Variants in PPP1R2B observed in about 807,000 individuals in gnomAD.
PPP1R2B encodes the protein PPP1R2 family member B.
A neutral mutation model predicts 17.6 loss-of-function variants in PPP1R2B; 13 were observed. That is an observed-to-expected ratio of 0.74 (90% CI 0.48 to 1.17). The LOEUF (loss-of-function observed/expected upper bound fraction) is 1.17, where lower values mean the gene tolerates loss of function less well. Among genes scored for constraint, PPP1R2B ranks in the 50% most tolerant of loss-of-function variants. The pLI, the probability that PPP1R2B is intolerant of heterozygous loss-of-function variation, is 0.00. For synonymous variants in PPP1R2B, 105 were observed against 95.4 expected, an observed-to-expected ratio of 1.10 and a Z score of -0.59; for missense variants, 230 against 252.4, an observed-to-expected ratio of 0.91 and a Z score of 0.60.
rs1758489588 is a variant in PPP1R2B, at chr5:156,852,150, T to A, written c.*970T>A. On this transcript the variant is annotated 3_prime_UTR_variant, in exon 1 of 1. Coordinates refer to ENST00000522232, the MANE Select transcript of PPP1R2B (RefSeq NM_206858.3). The stretch of plus-strand genomic sequence containing the variant: ...AATGCCTATGAATTCTTCTAATACA[T>A]GAAGAAAATAGATTGAGTAGCAGCA... 6.6e-6 allele frequency: 1 copy of A among 152,166 alleles called. No homozygotes were observed. The highest frequency in any genetic ancestry group is 2.4e-5 in the African/African-American group (1 of 41,466). 9.4% of individuals were successfully genotyped at this position (152,166 alleles called of 1,614,324 possible).
Position 156,850,721 on chromosome 5 carries a change from G to A in PPP1R2B, c.159G>A (p.Leu53=), listed in dbSNP as rs1417004260. The A allele has an allele frequency of 7.8e-6, 12 of 1,544,390 alleles. No homozygotes were observed. The Admixed American group carries it at 1.5e-4, about 19-fold the overall frequency. ...AGAAGTGGGATGAAATTAACATCTT[G>A]GCGACCTATCATCCAGCAGACAAAG... ...KSQKWDEINI[L]ATYHPADKGY... The change falls in exon 1 of 1, where the codon TTG becomes TTA. Residue 53 remains leucine (L), a synonymous_variant. Transcript: ENST00000522232.
Position 156,851,256 on chromosome 5 carries a change from A to G in PPP1R2B, c.*76A>G. ...TATAATACATTGCTTCTTGTTCTCC[A>G]CAATTCATGACTTAAGTACCAAAAT... On this transcript the variant is annotated 3_prime_UTR_variant, in exon 1 of 1. Coordinates refer to ENST00000522232, the MANE Select transcript of PPP1R2B (RefSeq NM_206858.3). The G allele has an allele frequency of 8.4e-7, 1 of 1,190,104 alleles. No individual in the cohort carries two copies. The highest frequency in any genetic ancestry group is 1.2e-5 in the South Asian group (1 of 81,156). 73.7% of individuals were successfully genotyped at this position (1,190,104 alleles called of 1,614,324 possible).
At position 156,850,783 on chromosome 5, in the gene PPP1R2B, C is replaced by T; in HGVS notation, c.221C>T (p.Pro74Leu). ...GLMKIDEPSP[P>L]YHSMMGDDED... is the part of the protein sequence containing the mutation. The stretch of plus-strand genomic sequence containing the variant: ...ATGAAAATAGATGAACCAAGCCCTC[C>T]TTACCATAGTATGATGGGTGATGAT... Residue 74 changes from proline to leucine, a missense_variant, in exon 1 of 1, where the codon CCT (proline) becomes CTT (leucine). Pro to Leu is a moderately conservative substitution (Grantham distance 98, BLOSUM62 -3). Transcript: ENST00000522232. 3 of 1,514,906 alleles carry T rather than the reference C, an allele frequency of 2.0e-6. No homozygotes were observed. The highest frequency in any genetic ancestry group is 2.8e-6 in the Non-Finnish European group (3 of 1,089,910). 93.8% of individuals were successfully genotyped at this position (1,514,906 alleles called of 1,614,324 possible).
chr5:156,850,397 G>A lies in PPP1R2B; in HGVS notation c.-166G>A. ...ATTCGGCGTTGGCTCTGGCGTCGGG[G>A]TCGTTGTGACAACCGCTCCAGTAGC... On this transcript the variant is annotated 5_prime_UTR_variant, in exon 1 of 1. Coordinates refer to ENST00000522232, the MANE Select transcript of PPP1R2B (RefSeq NM_206858.3). 1 of 808,960 alleles carries A rather than the reference G, an allele frequency of 1.2e-6. No individual in the cohort carries two copies. The highest frequency in any genetic ancestry group is 1.9e-6 in the Non-Finnish European group (1 of 521,996). 50.1% of individuals were successfully genotyped at this position (808,960 alleles called of 1,614,324 possible). A position where few individuals can be genotyped will look rare whatever the true frequency, so the allele number is the denominator to read the frequency against.
chr5:156,852,410 TTAAA>T lies in PPP1R2B; in HGVS notation c.*1233_*1236del, dbSNP rs1348578970. 3 of 152,088 alleles carry T rather than the reference TTAAA, an allele frequency of 2.0e-5. No individual in the cohort carries two copies. Among genetic ancestry groups the T allele is most frequent in the African/African-American group, 7.2e-5 (3 of 41,434 alleles). 9.4% of individuals were successfully genotyped at this position (152,088 alleles called of 1,614,324 possible). On this transcript the variant is annotated 3_prime_UTR_variant, in exon 1 of 1. Coordinates refer to ENST00000522232, the MANE Select transcript of PPP1R2B (RefSeq NM_206858.3). ...CTGGACATTTTTTAATTTAAAAACTTTAAATAGTCCCTGCTTTAAGGGAATATGA... is the reference window on the plus strand; with the variant it reads ...CTGGACATTTTTTAATTTAAAAACTTTAGTCCCTGCTTTAAGGGAATATGA...
chr5:156,851,804 A>T lies in PPP1R2B; in HGVS notation c.*624A>T, dbSNP rs1561530056. 1 of 152,746 alleles carries T rather than the reference A, an allele frequency of 6.5e-6. No individual in the cohort carries two copies. Among genetic ancestry groups the T allele is most frequent in the Non-Finnish European group, 1.5e-5 (1 of 68,122 alleles). 9.5% of individuals were successfully genotyped at this position (152,746 alleles called of 1,614,324 possible). The stretch of plus-strand genomic sequence containing the variant: ...TCAAAACTAGCTTTTTTCCCCACAA[A>T]TAAATTATCAGGTTAAACTTTCACC... On this transcript the variant is annotated 3_prime_UTR_variant, in exon 1 of 1. Transcript: ENST00000522232.
In PPP1R2B at chr5:156,851,633, C is replaced by T. The variant is rs781083043; in HGVS notation, c.*453C>T. 6.8e-5 allele frequency: 11 copies of T among 162,926 alleles called. No homozygotes were observed. The highest frequency in any genetic ancestry group is 6.1e-5 in the Admixed American group (1 of 16,404). The allele number at this position is 162,926 out of a possible 1,614,324, so 10.1% of individuals were successfully genotyped here. A position where few individuals can be genotyped will look rare whatever the true frequency, so the allele number is the denominator to read the frequency against. ...AGACTTATAAATATTCAAGCTGAAT[C>T]GTATTTTAACACTTCTCTTCAACTT... On this transcript the variant is annotated 3_prime_UTR_variant, in exon 1 of 1. Transcript: ENST00000522232.
At position 156,850,866 on chromosome 5, in the gene PPP1R2B, A is replaced by T; in HGVS notation, c.304A>T (p.Lys102Ter). 6.3e-7 allele frequency: 1 copy of T among 1,593,538 alleles called. No individual in the cohort carries two copies. Among genetic ancestry groups the T allele is most frequent in the Non-Finnish European group, 8.6e-7 (1 of 1,161,982 alleles). Reference protein sequence around the residue: ...TEAMAPDILAKKLAAAEGLEP... With the variant: ...TEAMAPDILA ...AGCCATGGCGCCAGACATCCTAGCC[A>T]AGAAATTAGCTGCTGCTGAAGGCTT... Residue 102 changes from lysine to a stop codon, truncating the protein, a stop_gained, in exon 1 of 1, where the codon AAG becomes TAG. Transcript: ENST00000522232. LOFTEE classifies it high-confidence loss of function.
rs1758479152 is a variant in PPP1R2B at position 156,851,373 on chromosome 5, G to A, written c.*193G>A. ...GCCTAATTGATATATATATTCTTAT[G>A]CCTAGTACTTTACCACAAATACAGT... On this transcript the variant is annotated 3_prime_UTR_variant, in exon 1 of 1. Transcript: ENST00000522232. 2 of 616,244 alleles carry A rather than the reference G, an allele frequency of 3.2e-6. No individual in the cohort carries two copies. The highest frequency in any genetic ancestry group is 3.7e-5 in the African/African-American group (2 of 54,186). The allele number at this position is 616,244 out of a possible 1,614,324, so 38.2% of individuals were successfully genotyped here. A position where few individuals can be genotyped will look rare whatever the true frequency, so the allele number is the denominator to read the frequency against.
In PPP1R2B at chr5:156,851,206, G is replaced by A; in HGVS notation, c.*26G>A. 6.6e-7 allele frequency: 1 copy of A among 1,520,626 alleles called. No homozygotes were observed. The highest frequency in any genetic ancestry group is 1.1e-5 in the South Asian group (1 of 89,148). The allele number at this position is 1,520,626 out of a possible 1,614,324, so 94.2% of individuals were successfully genotyped here. On this transcript the variant is annotated 3_prime_UTR_variant, in exon 1 of 1. Coordinates refer to ENST00000522232, the MANE Select transcript of PPP1R2B (RefSeq NM_206858.3). ...AAGAGATTTGTTCAACACTGCAATT[G>A]TTTGTTAGATATAAACCCTGTGACT... is the stretch of plus-strand genomic sequence containing the variant.
chr5:156,850,547 G>C lies in PPP1R2B; in HGVS notation c.-16G>C, dbSNP rs1196042552. ...GCCAAGCAGCGACCCTGAGGCGACA[G>C]CCGGAGCGCCCGGCAATGGCGGCCT... On this transcript the variant is annotated 5_prime_UTR_variant, in exon 1 of 1. Transcript: ENST00000522232. 6.3e-7 allele frequency: 1 copy of C among 1,580,772 alleles called. No individual in the cohort carries two copies. The highest frequency in any genetic ancestry group is 8.6e-7 in the Non-Finnish European group (1 of 1,163,590).
In PPP1R2B at chr5:156,850,994, G is replaced by A. The variant is rs560794688; in HGVS notation, c.432G>A (p.Arg144=). 4 of 1,613,612 alleles carry A rather than the reference G, an allele frequency of 2.5e-6. No individual in the cohort carries two copies. Among genetic ancestry groups the A allele is most frequent in the East Asian group, 2.2e-5 (1 of 44,880 alleles). The change falls in exon 1 of 1, where the codon AGG becomes AGA. Residue 144 remains arginine, a synonymous_variant. Transcript: ENST00000522232. The stretch of plus-strand genomic sequence containing the variant: ...AAAAGCGACAATTTGAAATGAGAAG[G>A]AAGCTTCACTACAATGAAGGACTCA... ...REKKRQFEMR[R]KLHYNEGLNI...
At position 156,851,033 on chromosome 5, in the gene PPP1R2B, C is replaced by A; in HGVS notation, c.471C>A (p.Ala157=). The part of the protein sequence containing the change: ...HYNEGLNIKL[A]RQLISKDLHD... ...ATGAAGGACTCAATATCAAACTAGC[C>A]AGACAATTAATTTCAAAAGACCTAC... is the stretch of plus-strand genomic sequence containing the variant. The change falls in exon 1 of 1, where the codon GCC becomes GCA. Residue 157 remains alanine (A), a synonymous_variant. Transcript: ENST00000522232. The A allele has an allele frequency of 6.2e-7, 1 of 1,612,540 alleles. No homozygotes were observed. Among genetic ancestry groups the A allele is most frequent in the Non-Finnish European group, 8.5e-7 (1 of 1,178,698 alleles).
rs756758700 is a variant in PPP1R2B at position 156,850,967 on chromosome 5, A to G, written c.405A>G (p.Glu135=). Residue 135 remains glutamate (E), a synonymous_variant, in exon 1 of 1, where the codon GAA becomes GAG. Transcript: ENST00000522232. The part of the protein sequence containing the change: ...EDSDLSPEER[E]KKRQFEMRRK... Reference sequence around the variant, plus strand: ...GTGACCTCTCACCTGAAGAACGAGAAAAAAAGCGACAATTTGAAATGAGAA... The same window carrying G: ...GTGACCTCTCACCTGAAGAACGAGAGAAAAAGCGACAATTTGAAATGAGAA... 2.5e-6 allele frequency: 4 copies of G among 1,613,794 alleles called. No homozygotes were observed. Among genetic ancestry groups the G allele is most frequent in the African/African-American group, 1.3e-5 (1 of 75,036 alleles).
Position 156,850,588 on chromosome 5 carries a change from G to C in PPP1R2B, c.26G>C (p.Arg9Pro). The C allele has an allele frequency of 3.1e-6, 5 of 1,592,814 alleles. No individual in the cohort carries two copies. The highest frequency in any genetic ancestry group is 4.3e-6 in the Non-Finnish European group (5 of 1,169,470). Residue 9 changes from arginine (R) to proline (P), a missense_variant, in exon 1 of 1, where the codon CGG becomes CCG. By Grantham distance (103) the Arg-to-Pro change is moderately radical. Transcript: ENST00000522232. ...ATGGCGGCCTCGACGGCCTCCCACC[G>C]GCCCATCAAGGGGATCTTGAAGAAC... MAASTASH[R>P]PIKGILKNKT...
Position 156,850,676 on chromosome 5 carries a change from G to A in PPP1R2B, c.114G>A (p.Glu38=). 1 of 1,580,754 alleles carries A rather than the reference G, an allele frequency of 6.3e-7. No homozygotes were observed. The highest frequency in any genetic ancestry group is 8.7e-7 in the Non-Finnish European group (1 of 1,150,078). The part of the protein sequence containing the change: ...SAEQPRRSVD[E]ELSKKSQKWD... ...AACAGCCCCGCAGGAGTGTCGACGA[G>A]GAGCTGAGCAAAAAATCCCAGAAGT... The change falls in exon 1 of 1, where the codon GAG becomes GAA. Residue 38 remains glutamate, a synonymous_variant. Coordinates refer to ENST00000522232, the MANE Select transcript of PPP1R2B (RefSeq NM_206858.3).
rs774210262 is a variant in PPP1R2B, at chr5:156,850,792, G to A, written c.230G>A (p.Ser77Asn). The change falls in exon 1 of 1, where the codon AGT (serine) becomes AAT (asparagine). Residue 77 changes from serine to asparagine, a missense_variant. Ser to Asn is a conservative substitution (Grantham distance 46). Transcript: ENST00000522232. ...GATGAACCAAGCCCTCCTTACCATA[G>A]TATGATGGGTGATGATGAAGATGCG... ...KIDEPSPPYHSMMGDDEDACR... is the reference protein window; with the variant it reads ...KIDEPSPPYHNMMGDDEDACR... 37 of 1,507,754 alleles carry A rather than the reference G, an allele frequency of 2.5e-5. No individual in the cohort carries two copies. Among genetic ancestry groups the A allele is most frequent in the Non-Finnish European group, 3.3e-5 (36 of 1,083,452 alleles). The allele number at this position is 1,507,754 out of a possible 1,614,324, so 93.4% of individuals were successfully genotyped here.
Position 156,850,386 on chromosome 5 carries a change from C to G in PPP1R2B, c.-177C>G, listed in dbSNP as rs1339354700. On this transcript the variant is annotated 5_prime_UTR_variant, in exon 1 of 1. Coordinates refer to ENST00000522232, the MANE Select transcript of PPP1R2B (RefSeq NM_206858.3). ...AGCCGCCACCCATTCGGCGTTGGCT[C>G]TGGCGTCGGGGTCGTTGTGACAACC... Among the ~76,000 whole-genome samples, 2 of 152,094 alleles carry G rather than the reference C, an allele frequency of 1.3e-5. No homozygotes were observed. The highest frequency in any genetic ancestry group is 2.9e-5 in the Non-Finnish European group (2 of 68,012).
chr5:156,850,730 T>C lies in PPP1R2B; in HGVS notation c.168T>C (p.Tyr56=). The C allele has an allele frequency of 6.5e-7, 1 of 1,539,976 alleles. No individual in the cohort carries two copies. Among genetic ancestry groups the C allele is most frequent in the Non-Finnish European group, 9.0e-7 (1 of 1,112,750 alleles). ...ATGAAATTAACATCTTGGCGACCTATCATCCAGCAGACAAAGGCTATGGTT... is the reference window on the plus strand; with the variant it reads ...ATGAAATTAACATCTTGGCGACCTACCATCCAGCAGACAAAGGCTATGGTT... ...KWDEINILAT[Y]HPADKGYGLM... is the part of the protein sequence containing the mutation. Residue 56 remains tyrosine, a synonymous_variant, in exon 1 of 1, where the codon TAT becomes TAC. Coordinates refer to ENST00000522232, the MANE Select transcript of PPP1R2B (RefSeq NM_206858.3).
Sources: allele counts gnomAD v4.1 joint callset (sites outside exome capture counted in the v4.1 genomes callset), GRCh38; gene constraint gnomAD v4.1.1; transcripts MANE v1.5; gene names NCBI Gene and HGNC (gene_info 2026-07-23, HGNC 2026-07-21).